The following TNFAIP2 variants were observed in gnomAD, a reference collection of about 807,000 sequenced individuals.
TNFAIP2 encodes tumor necrosis factor alpha-induced protein 2.
Under a neutral mutation model 63.5 loss-of-function variants are expected in TNFAIP2, and 47 were observed. That is an observed-to-expected ratio of 0.74 (90% CI 0.59 to 0.94). TNFAIP2 has a LOEUF of 0.94. Among genes scored for constraint, TNFAIP2 ranks in the 40% least tolerant of loss-of-function variants. TNFAIP2 has a pLI of 0.00. For synonymous variants in TNFAIP2, 405 were observed against 390.2 expected, an observed-to-expected ratio of 1.04 and a Z score of -0.45; for missense variants, 787 against 850.2, an observed-to-expected ratio of 0.93 and a Z score of 0.92.
intron 1 of TNFAIP2, among the ~76,000 whole-genome samples, chr14:103,125,238 C>G (rs910667515): frequency 2.0e-5 from 3 of 152,252 alleles, no homozygotes; most frequent in Non-Finnish European, 4.4e-5. Context: ...GGCCCAGCCC[C>G]TGCCTGCTTC....
chr14:103,124,205 G>A (rs1342820996), intron 1 of TNFAIP2, among the ~76,000 whole-genome samples: 1 of 152,242 alleles, frequency 6.6e-6, no homozygotes, highest in African/African-American at 2.4e-5. Flanking sequence ...CCAGCACTTG[G>A]CTGTGCGGTT....
rs893408260 is a variant in TNFAIP2, at chr14:103,130,101, G to A, written c.1075G>A (p.Glu359Lys). The A allele has an allele frequency of 3.1e-6, 5 of 1,613,338 alleles. No individual in the cohort carries two copies. The highest frequency in any genetic ancestry group is 4.2e-6 in the Non-Finnish European group (5 of 1,179,814). ...GAGGCTGGACGGCCACTGCCACAGC[G>A]AGCTGGCCATCGACATCATCCAGGT... ...PQRLDGHCHS[E>K]LAIDIIQITS... The change falls in exon 5 of 12, where the codon GAG becomes AAG. Residue 359 changes from glutamate to lysine, a missense_variant. This residue lies in a region of TNFAIP2 where 523 missense variants were observed against 604.1 expected (regional missense o/e 0.87). Transcript: ENST00000560869.
chr14:103,129,859 G>A lies in TNFAIP2; in HGVS notation c.975+5G>A. ...ACATTCCTGTCCAGTGAGGCGGTGA[G>A]TCTCCACCTGGGCCAGGGAGGGGCA... On this transcript the variant is annotated splice_donor_5th_base_variant and intron_variant, in intron 4 of 11. Coordinates refer to ENST00000560869, the MANE Select transcript of TNFAIP2 (RefSeq NM_006291.4). The A allele has an allele frequency of 6.2e-7, 1 of 1,612,828 alleles. No individual in the cohort carries two copies. Among genetic ancestry groups the A allele is most frequent in the Non-Finnish European group, 8.5e-7 (1 of 1,179,046 alleles).
At position 103,136,085 on chromosome 14, in the gene TNFAIP2, C is replaced by T; in HGVS notation, c.*725C>T. On this transcript the variant is annotated 3_prime_UTR_variant, in exon 12 of 12. Transcript: ENST00000560869. ...GTGTCTACTACCGAAGGGCCCAAGA[C>T]CTCCTGGGTCCTCTCAGGCTCCCCC... 1 of 1,138,968 alleles carries T rather than the reference C, an allele frequency of 8.8e-7. No individual in the cohort carries two copies. The highest frequency in any genetic ancestry group is 1.1e-6 in the Non-Finnish European group (1 of 891,638). The allele number at this position is 1,138,968 out of a possible 1,614,324, so 70.6% of individuals were successfully genotyped here.
chr14:103,122,717 C>T (rs1334497198), upstream of TNFAIP2: 1 of 456,026 alleles, frequency 2.2e-6, no homozygotes, highest in Non-Finnish European at 4.4e-6. Flanking sequence ...GGGCCTTGGG[C>T]CCCTCCCCTT....
rs2088039602 is a variant in TNFAIP2 at position 103,133,727 on chromosome 14, G to A, written c.1747G>A (p.Glu583Lys). Residue 583 changes from glutamate (E) to lysine (K), a missense_variant, in exon 11 of 12, where the codon GAG becomes AAG. Physicochemically the swap from Glu to Lys is moderately conservative, Grantham distance 56 (BLOSUM62 1). Transcript: ENST00000560869. ...WLQPALPTLA[E>K]IIRLQDPSAI... ...GCAGCCTGCTCTCCCTACGCTGGCC[G>A]AGATCATTCGCCTGCAGGACCCCAG... The A allele has an allele frequency of 2.5e-6, 4 of 1,596,486 alleles. No individual in the cohort carries two copies. The highest frequency in any genetic ancestry group is 2.2e-5 in the East Asian group (1 of 44,760).
Position 103,133,731 on chromosome 14 carries a change from TC to T in TNFAIP2, c.1752del (p.Ile585PhefsTer28). On this transcript the variant is annotated frameshift_variant, in exon 11 of 12. Transcript: ENST00000560869. LOFTEE classifies it high-confidence loss of function. Reference protein sequence around the residue: ...LQPALPTLAEIIRLQDPSAIK... With the variant: ...LQPALPTLAEXIRLQDPSAIK... ...CCTGCTCTCCCTACGCTGGCCGAGA[TC>T]ATTCGCCTGCAGGACCCCAGTGCCA... The T allele has an allele frequency of 6.3e-7, 1 of 1,597,800 alleles. No individual in the cohort carries two copies. Among genetic ancestry groups the T allele is most frequent in the Non-Finnish European group, 8.5e-7 (1 of 1,176,678 alleles).
chr14:103,135,346 A>G lies in TNFAIP2; in HGVS notation c.1951A>G (p.Ile651Val). 1 of 1,609,338 alleles carries G rather than the reference A, an allele frequency of 6.2e-7. No individual in the cohort carries two copies. Among genetic ancestry groups the G allele is most frequent in the South Asian group, 1.1e-5 (1 of 90,654 alleles). ...QEPSRPLFSL[I>V]KVG Reference sequence around the variant, plus strand: ...GCCCTCCCGGCCCCTATTTTCCCTTATAAAGGTTGGTTAGCTTTTCCTGTG... The same window carrying G: ...GCCCTCCCGGCCCCTATTTTCCCTTGTAAAGGTTGGTTAGCTTTTCCTGTG... Residue 651 changes from isoleucine to valine, a missense_variant, in exon 12 of 12, where the codon ATA (isoleucine) becomes GTA (valine). Transcript: ENST00000560869. The surrounding 1 kb of genome is among the most constrained non-coding windows in gnomAD (Gnocchi z 7.6).
At chr14:103,129,506 G>C (rs1421775370) in intron 3 of TNFAIP2, among the ~76,000 whole-genome samples, 2 of 6,574 alleles carry the variant, frequency 3.0e-4, no homozygotes, top group Admixed American at 1.8e-3. Context: ...GGACCTAATG[G>C]GGGGGGGGTG....
In TNFAIP2 at chr14:103,127,701, C is replaced by A. The variant is rs2087891480; in HGVS notation, c.860+72C>A. On this transcript the variant is annotated intron_variant, in intron 3 of 11. Coordinates refer to ENST00000560869, the MANE Select transcript of TNFAIP2 (RefSeq NM_006291.4). The surrounding 1 kb of genome is among the most constrained non-coding windows in gnomAD (Gnocchi z 5.1). Reference sequence around the variant, plus strand: ...CTGTAGGAGGGGTGTCGAGGGGTGTCGAGGTGTGCCGCCGGCAGCTTTTAG... The same window carrying A: ...CTGTAGGAGGGGTGTCGAGGGGTGTAGAGGTGTGCCGCCGGCAGCTTTTAG... The A allele has an allele frequency of 1.4e-6, 2 of 1,391,800 alleles. No individual in the cohort carries two copies. Among genetic ancestry groups the A allele is most frequent in the East Asian group, 5.3e-5 (2 of 38,086 alleles). 86.2% of individuals were successfully genotyped at this position (1,391,800 alleles called of 1,614,324 possible). A position where few individuals can be genotyped will look rare whatever the true frequency, so the allele number is the denominator to read the frequency against.
In TNFAIP2 at chr14:103,123,505, A is replaced by G. The variant is rs3759571; in HGVS notation, c.-595A>G. The G allele has an allele frequency of 0.73, 110,693 of 151,930 alleles. 40,682 individuals carry two copies. The highest frequency in any genetic ancestry group is 0.81 in the Middle Eastern group (237 of 294). The allele number at this position is 151,930 out of a possible 1,614,324, so 9.4% of individuals were successfully genotyped here. The stretch of plus-strand genomic sequence containing the variant: ...CACGGTAAGTGACCTCCGCTTCCAC[A>G]CGTCCATTCCCCGCCGCTCCGCGCG... On this transcript the variant is annotated 5_prime_UTR_variant, in exon 1 of 12. Coordinates refer to ENST00000560869, the MANE Select transcript of TNFAIP2 (RefSeq NM_006291.4).
At position 103,135,240 on chromosome 14, in the gene TNFAIP2, C is replaced by T. The variant is rs1011789408; in HGVS notation, c.1845C>T (p.Ile615=). 8 of 1,613,816 alleles carry T rather than the reference C, an allele frequency of 5.0e-6. No individual in the cohort carries two copies. Among genetic ancestry groups the T allele is most frequent in the Non-Finnish European group, 6.8e-6 (8 of 1,180,000 alleles). The change falls in exon 12 of 12, where the codon ATC becomes ATT. Residue 615 remains isoleucine, a synonymous_variant. Transcript: ENST00000560869. The surrounding 1 kb of genome is among the most constrained non-coding windows in gnomAD (Gnocchi z 7.6). ...PDFSKGHLSA[I]LAIKGNLSNS... Reference sequence around the variant, plus strand: ...CCAGCAAAGGCCACCTGAGCGCTATCCTGGCCATCAAGGGGAACCTATCCA... The same window carrying T: ...CCAGCAAAGGCCACCTGAGCGCTATTCTGGCCATCAAGGGGAACCTATCCA...
At chr14:103,133,646 AC>A in intron 10 of TNFAIP2, 35 bp from the exon 11 acceptor site, 1 of 1,547,980 alleles carries the variant, frequency 6.5e-7, no homozygotes, top group Non-Finnish European at 8.7e-7. Flanking sequence ...GAGCCTCTGG[AC>A]CCCTGGGTCC....
At chr14:103,133,262 A>G in intron 9 of TNFAIP2, 100 bp from the exon 10 acceptor site, 2 of 1,450,138 alleles carry the variant, frequency 1.4e-6, no homozygotes, top group Non-Finnish European at 1.9e-6. Context: ...TTGCTCTGGC[A>G]TCTGCCTCTC....
intron 11 of TNFAIP2, among the ~76,000 whole-genome samples, chr14:103,134,482 A>G (rs940381854): frequency 3.2e-4 from 4 of 12,384 alleles, no homozygotes; most frequent in Non-Finnish European, 4.5e-4. Context: ...CCACCCGTCT[A>G]TCCATCCATC....
upstream of TNFAIP2, among the ~76,000 whole-genome samples, chr14:103,122,354 G>T (rs1891141910): frequency 6.6e-6 from 1 of 152,162 alleles, no homozygotes; most frequent in Non-Finnish European, 1.5e-5. Flanking sequence ...TTACTAGGCT[G>T]CAGAAGGGGT....
At chr14:103,134,131 G>T (rs2088047083) in intron 11 of TNFAIP2, among the ~76,000 whole-genome samples, 1 of 152,242 alleles carries the variant, frequency 6.6e-6, no homozygotes, top group Admixed American at 6.5e-5. Context: ...GCTTCACCCA[G>T]CCTGGGGGGC....
chr14:103,127,059 T>A lies in TNFAIP2; in HGVS notation c.290T>A (p.Leu97Gln). The part of the protein sequence containing the change: ...ERGQLEAARP[L>Q]LALERELAAA... ...GGGCAGCTGGAGGCGGCGCGGCCGC[T>A]GCTGGCGCTGGAGCGGGAGCTGGCG... The change falls in exon 3 of 12, where the codon CTG becomes CAG. Residue 97 changes from leucine to glutamine, a missense_variant. Coordinates refer to ENST00000560869, the MANE Select transcript of TNFAIP2 (RefSeq NM_006291.4). This position sits in a 1 kb window ranked among gnomAD's most constrained non-coding sequence, Gnocchi z 5.1. 1 of 1,139,390 alleles carries A rather than the reference T, an allele frequency of 8.8e-7. No individual in the cohort carries two copies. The highest frequency in any genetic ancestry group is 1.1e-6 in the Non-Finnish European group (1 of 929,134). 70.6% of individuals were successfully genotyped at this position (1,139,390 alleles called of 1,614,324 possible).
upstream of TNFAIP2, chr14:103,123,390 G>A (rs2139540583): frequency 6.6e-6 from 1 of 152,336 alleles, no homozygotes; most frequent in South Asian, 2.0e-4. Flanking sequence ...CGGCGGGGCG[G>A]GGAAGGAGGG....
Sources: gnomAD v4.1 joint callset for allele counts (sites outside exome capture counted in the v4.1 genomes callset) on GRCh38, gnomAD v4.1.1 for gene constraint, gnomAD v4.1.1 regional missense constraint, Gnocchi (gnomAD v3.1) non-coding constraint, MANE v1.5 for transcripts, NCBI Gene and HGNC (gene_info 2026-07-23, HGNC 2026-07-21) for gene names.